FANCD2: variants seen among roughly 807,000 people sequenced by gnomAD.
The protein encoded by FANCD2 is Fanconi anemia group D2 protein.
A neutral mutation model predicts 192.3 loss-of-function variants in FANCD2; 131 were observed. The observed-to-expected ratio is 0.68, with a 90% CI of 0.59 to 0.79. FANCD2 has a LOEUF of 0.79. FANCD2 is among the 30% of genes least tolerant of loss of function. FANCD2 has a pLI of 0.00. For synonymous variants in FANCD2, 524 were observed against 612.5 expected (o/e 0.86, Z 2.13); for missense variants, 1,508 against 1,701.6 (o/e 0.89, Z 2.00).
chr3:10,027,904 C>CAAAA (rs145483323), intron 1 of FANCD2, among the ~76,000 whole-genome samples: 1,816 of 66,478 alleles, frequency 0.027, 121 homozygotes, highest in African/African-American at 0.1. Context: ...GACTCCGTCT[C>CAAAA]AAAAAAAAAA....
intron 16 of FANCD2, among the ~76,000 whole-genome samples, chr3:10,049,017 G>A (rs1242070838): frequency 6.6e-6 from 1 of 151,808 alleles, no homozygotes; most frequent in African/African-American, 2.4e-5. Context: ...AGCTCCTTGA[G>A]TGCCATCTTT....
intron 36 of FANCD2, among the ~76,000 whole-genome samples, chr3:10,089,650 A>G (rs1212775191): frequency 1.3e-5 from 2 of 152,238 alleles, no homozygotes; most frequent in East Asian, 3.9e-4. Flanking sequence ...TTGTATTTTT[A>G]GTAGAGATTG....
intron 33 of FANCD2, among the ~76,000 whole-genome samples, chr3:10,086,809 TG>T (rs1445483631): frequency 6.6e-6 from 1 of 152,182 alleles, no homozygotes; most frequent in Non-Finnish European, 1.5e-5. Context: ...TTATTTTCAG[TG>T]TATTGCCTAA....
intron 14 of FANCD2, among the ~76,000 whole-genome samples, chr3:10,045,274 T>G (rs1303589907): frequency 1.3e-5 from 2 of 152,092 alleles, no homozygotes; most frequent in Admixed American, 1.3e-4. Flanking sequence ...GTTCACGCCA[T>G]TCTCCCGCTT....
intron 42 of FANCD2, among the ~76,000 whole-genome samples, chr3:10,096,780 A>G (rs1235819524): frequency 1.3e-5 from 2 of 152,200 alleles, no homozygotes; most frequent in Non-Finnish European, 2.9e-5. Flanking sequence ...AGCCCCACTG[A>G]GGGTAGATTC....
rs1694882444 is a variant in FANCD2, at chr3:10,095,206, G to A, written c.3970G>A (p.Val1324Ile). The change falls in exon 41 of 44, where the codon GTT (valine) becomes ATT (isoleucine). Residue 1324 changes from valine (V) to isoleucine (I), a missense_variant. Physicochemically the swap from Val to Ile is conservative, Grantham distance 29. Transcript: ENST00000675286. ...DFSFRKHREDVLSLLETFQLD... is the reference protein window; with the variant it reads ...DFSFRKHREDILSLLETFQLD... ...ATAAACTTATTGGTTATAGGAAGATGTTCTGAGCTTACTGGAAACCTTCCA... is the reference window on the plus strand; with the variant it reads ...ATAAACTTATTGGTTATAGGAAGATATTCTGAGCTTACTGGAAACCTTCCA... 3 of 1,613,356 alleles carry A rather than the reference G, an allele frequency of 1.9e-6. No individual in the cohort carries two copies. The African/African-American group carries it at 4.0e-5, about 22-fold the overall frequency.
At chr3:10,050,874 G>A (rs1001611148) in intron 17 of FANCD2, among the ~76,000 whole-genome samples, 10 of 149,708 alleles carry the variant, frequency 6.7e-5, no homozygotes, top group African/African-American at 2.5e-4. Flanking sequence ...ATCACCTGAG[G>A]TTGGGAGTTC....
chr3:10,096,127 G>A (rs1346191391), intron 41 of FANCD2, among the ~76,000 whole-genome samples, 199 bp from the exon 42 acceptor site: 1 of 152,128 alleles, frequency 6.6e-6, no homozygotes, highest in East Asian at 1.9e-4. Context: ...GGTGTTGGTG[G>A]TATGTCTTCT....
In FANCD2 at chr3:10,047,984, G is replaced by A; in HGVS notation, c.1346G>A (p.Ser449Asn). The A allele has an allele frequency of 2.5e-6, 4 of 1,614,098 alleles. No individual in the cohort carries two copies. Among genetic ancestry groups the A allele is most frequent in the Non-Finnish European group, 3.4e-6 (4 of 1,180,058 alleles). The part of the protein sequence containing the change: ...AQSLLHSLDQ[S>N]IISFGSLLYK... ...AGTTTGCTTCACTCTCTAGACCAGAGTATAATTTCATTTGGCAGTCTCCTA... is the reference window on the plus strand; with the variant it reads ...AGTTTGCTTCACTCTCTAGACCAGAATATAATTTCATTTGGCAGTCTCCTA... Residue 449 changes from serine to asparagine, a missense_variant, in exon 16 of 44, where the codon AGT becomes AAT. Ser to Asn is a conservative substitution (Grantham distance 46). Transcript: ENST00000675286.
At chr3:10,069,599 TTGCAGGC>T (rs1693055574) in intron 26 of FANCD2, among the ~76,000 whole-genome samples, 1 of 151,572 alleles carries the variant, frequency 6.6e-6, no homozygotes, top group East Asian at 1.9e-4. Flanking sequence ...GTGCCTGCGA[TTGCAGGC>T]GCGCGCCGCC....
chr3:10,078,589 T>G (rs977203074), intron 30 of FANCD2, among the ~76,000 whole-genome samples: 1 of 151,294 alleles, frequency 6.6e-6, no homozygotes, highest in Non-Finnish European at 1.5e-5. Flanking sequence ...CTCCTGACCT[T>G]GTGATCCGCC....
chr3:10,070,248 AG>A (rs1693130305), intron 26 of FANCD2, among the ~76,000 whole-genome samples: 1 of 148,458 alleles, frequency 6.7e-6, no homozygotes, highest in Non-Finnish European at 1.5e-5. Context: ...CTGAGAAGTG[AG>A]GAGTCCCTCC....
chr3:10,097,541 C>T (rs567907901), intron 42 of FANCD2, among the ~76,000 whole-genome samples: 6 of 152,302 alleles, frequency 3.9e-5, no homozygotes, highest in South Asian at 2.1e-4. Flanking sequence ...CCCGGCTCAC[C>T]GGCGGTCAGA....
At chr3:10,096,216 C>A in intron 41 of FANCD2, 110 bp from the exon 42 acceptor site, 1 of 1,085,728 alleles carries the variant, frequency 9.2e-7, no homozygotes, top group Non-Finnish European at 1.4e-6. Flanking sequence ...ATACCGTTGG[C>A]CCATACTGGC....
rs1382100177 is a variant in FANCD2, at chr3:10,041,090, A to G, written c.696-533A>G. 4 of 168,198 alleles carry G rather than the reference A, an allele frequency of 2.4e-5. No homozygotes were observed. The East Asian group carries it at 5.2e-4, about 22-fold the overall frequency. The allele number at this position is 168,198 out of a possible 1,614,324, so 10.4% of individuals were successfully genotyped here. On this transcript the variant is annotated intron_variant, in intron 9 of 43. Transcript: ENST00000675286. ...GCACTTATAATTCTAGCTACTCAGG[A>G]GGCTGAGATGGGAGGATCAATTGAG...
intron 3 of FANCD2, 37 bp downstream of exon 3, chr3:10,033,009 T>C (rs1439255986): frequency 6.8e-7 from 1 of 1,474,580 alleles, no homozygotes; most frequent in Non-Finnish European, 9.5e-7. Context: ...CTGGGTTTAA[T>C]GAAATAGTTC....
At chr3:10,054,353 GTATATATATATATACGTGTATATACATA>G (rs1559382946) in intron 18 of FANCD2, among the ~76,000 whole-genome samples, 2 of 103,204 alleles carry the variant, frequency 1.9e-5, no homozygotes, top group East Asian at 2.5e-4. Flanking sequence ...ATATATATAC[GTATATATATATATACGTGTATATACATA>G]TATATATGTA....
intron 38 of FANCD2, 120 bp from the exon 39 acceptor site, chr3:10,093,165 C>T: frequency 1.3e-6 from 1 of 746,000 alleles, no homozygotes; most frequent in Non-Finnish European, 2.4e-6. Flanking sequence ...TAAATGTTGA[C>T]ATTCCTCCAT....
At chr3:10,085,105 G>A (rs1694103429) in intron 32 of FANCD2, among the ~76,000 whole-genome samples, 1 of 152,130 alleles carries the variant, frequency 6.6e-6, no homozygotes, top group African/African-American at 2.4e-5. Flanking sequence ...ACTATGGGCT[G>A]GACATTGATT....
Sources: gnomAD v4.1 joint callset for allele counts (sites outside exome capture counted in the v4.1 genomes callset) on GRCh38, gnomAD v4.1.1 for gene constraint, MANE v1.5 for transcripts, NCBI Gene and HGNC (gene_info 2026-07-23, HGNC 2026-07-21) for gene names.